Variants in KCNT2 observed in about 807,000 individuals in gnomAD.
KCNT2 encodes the protein potassium sodium-activated channel subfamily T member 2.
A neutral mutation model predicts 153.8 loss-of-function variants in KCNT2; 67 were observed. That is an observed-to-expected ratio of 0.44 (90% CI 0.36 to 0.53). The LOEUF (loss-of-function observed/expected upper bound fraction) is 0.53, where lower values mean the gene tolerates loss of function less well. Ranked by LOEUF, KCNT2 falls within the 20% of genes least tolerant of loss-of-function variation. The probability of loss-of-function intolerance (pLI) is 0.00; values close to 1 mark genes in which losing one functional copy is unlikely to be tolerated. For missense variants in KCNT2, 975 were observed against 1,354.8 expected (o/e 0.72, Z 4.40); for synonymous variants, 500 against 458.8 (o/e 1.09, Z -1.15).
chr1:196,277,845 C>T (rs1452531188), intron 25 of KCNT2, among the ~76,000 whole-genome samples: 1 of 151,758 alleles, frequency 6.6e-6, no homozygotes, highest in Admixed American at 6.6e-5. Flanking sequence ...TTTATATAAT[C>T]TTAAAAAAAT....
At chr1:196,266,537 A>C (rs1657558297) in intron 25 of KCNT2, among the ~76,000 whole-genome samples, 1 of 152,146 alleles carries the variant, frequency 6.6e-6, no homozygotes, top group Non-Finnish European at 1.5e-5. Flanking sequence ...ATCAAATCAA[A>C]TCTTTGACAT....
intron 9 of KCNT2, among the ~76,000 whole-genome samples, chr1:196,429,328 T>A (rs938826086): frequency 1.3e-5 from 2 of 151,898 alleles, no homozygotes; most frequent in African/African-American, 2.4e-5. Context: ...CTAAAAAAAA[T>A]CTTGAATGAT....
chr1:196,525,619 T>G (rs922091367), intron 1 of KCNT2, among the ~76,000 whole-genome samples: 1 of 152,174 alleles, frequency 6.6e-6, no homozygotes, highest in Non-Finnish European at 1.5e-5. Context: ...AATGAGGCTA[T>G]AGAAAAGATG....
intron 14 of KCNT2, among the ~76,000 whole-genome samples, chr1:196,360,711 G>A (rs73067617): frequency 2.0e-5 from 3 of 152,004 alleles, no homozygotes; most frequent in Non-Finnish European, 4.4e-5. Flanking sequence ...AGGACACAGC[G>A]AGAATACAGC....
chr1:196,550,033 C>T (rs781384815), intron 1 of KCNT2, among the ~76,000 whole-genome samples: 22 of 151,878 alleles, frequency 1.4e-4, no homozygotes, highest in Non-Finnish European at 2.4e-4. Context: ...TTTCTCTGGC[C>T]CCATATCAGA....
At chr1:196,570,916 A>G (rs901433435) in intron 1 of KCNT2, among the ~76,000 whole-genome samples, 2 of 152,124 alleles carry the variant, frequency 1.3e-5, no homozygotes, top group East Asian at 1.9e-4. Context: ...TTCCTCTAAC[A>G]TAAGTGCCAT....
chr1:196,475,582 T>C (rs1678463954), intron 5 of KCNT2, among the ~76,000 whole-genome samples: 1 of 151,812 alleles, frequency 6.6e-6, no homozygotes, highest in Admixed American at 6.6e-5. Flanking sequence ...CACTCCAGCC[T>C]GAGCAACAGA....
intron 12 of KCNT2, among the ~76,000 whole-genome samples, chr1:196,419,956 T>C (rs935639848): frequency 1.3e-5 from 2 of 152,036 alleles, no homozygotes; most frequent in Non-Finnish European, 2.9e-5. Flanking sequence ...GCGTATTATG[T>C]CTTTCATAAT....
At chr1:196,586,820 T>C (rs1182524189) in intron 1 of KCNT2, among the ~76,000 whole-genome samples, 2 of 152,164 alleles carry the variant, frequency 1.3e-5, no homozygotes, top group East Asian at 1.9e-4. Context: ...CCCTGAGCTC[T>C]TATTTTATTG....
intron 18 of KCNT2, among the ~76,000 whole-genome samples, chr1:196,327,668 C>CTTTTT (rs773639795): frequency 7.8e-6 from 1 of 127,888 alleles, no homozygotes; most frequent in Non-Finnish European, 1.6e-5. Context: ...ATATTCTGAT[C>CTTTTT]TTTTTTTTTT....
rs775890073 is a variant in KCNT2 at position 196,423,075 on chromosome 1, C to T, written c.1160G>A (p.Arg387His). The change falls in exon 12 of 28, where the codon CGT becomes CAT. Residue 387 changes from arginine (R) to histidine (H), a missense_variant. This residue lies in a region of KCNT2 where 202 missense variants were observed against 314.9 expected (regional missense o/e 0.64). Coordinates refer to ENST00000294725, the MANE Select transcript of KCNT2 (RefSeq NM_198503.5). The stretch of plus-strand genomic sequence containing the variant: ...AGATGATGTCCTATCCACTTCACAA[C>T]GGCTACTGAGAATAAAACAGGCCTC... Reference protein sequence around the residue: ...DAEACFILSSRCEVDRTSSDH... With the variant: ...DAEACFILSSHCEVDRTSSDH... 7 of 1,604,046 alleles carry T rather than the reference C, an allele frequency of 4.4e-6. No homozygotes were observed. Among genetic ancestry groups the T allele is most frequent in the East Asian group, 2.3e-5 (1 of 44,376 alleles).
intron 12 of KCNT2, among the ~76,000 whole-genome samples, chr1:196,418,433 T>C (rs974367705): frequency 6.6e-6 from 1 of 152,070 alleles, no homozygotes; most frequent in African/African-American, 2.4e-5. Context: ...GTCATTCAAC[T>C]CCAGCCGGGG....
chr1:196,588,091 G>T (rs952618531), intron 1 of KCNT2, among the ~76,000 whole-genome samples: 25 of 152,022 alleles, frequency 1.6e-4, no homozygotes, highest in African/African-American at 6.0e-4. Context: ...CTCTTTTATT[G>T]TTAACCTGAA....
chr1:196,380,373 C>T (rs1669373465), intron 13 of KCNT2, among the ~76,000 whole-genome samples: 1 of 152,056 alleles, frequency 6.6e-6, no homozygotes, highest in Non-Finnish European at 1.5e-5. Context: ...TCAAAATTGT[C>T]TTCAAGTCCC....
At chr1:196,326,400 A>G (rs182982032) in intron 19 of KCNT2, among the ~76,000 whole-genome samples, 21 of 152,212 alleles carry the variant, frequency 1.4e-4, no homozygotes, top group African/African-American at 4.8e-4. Context: ...TTGTCAGGCT[A>G]GTTGATTAAT....
intron 8 of KCNT2, among the ~76,000 whole-genome samples, chr1:196,446,628 A>T (rs535247610): frequency 8.6e-5 from 13 of 151,498 alleles, no homozygotes; most frequent in Non-Finnish European, 1.8e-4. Context: ...AAATCTTTGA[A>T]ATTAGACATA....
chr1:196,359,889 CA>C (rs983591706), intron 14 of KCNT2, among the ~76,000 whole-genome samples: 3 of 151,678 alleles, frequency 2.0e-5, no homozygotes, highest in Non-Finnish European at 2.9e-5. Flanking sequence ...GATAAGGATA[CA>C]AAAATAAATT....
intron 8 of KCNT2, among the ~76,000 whole-genome samples, chr1:196,438,526 A>G (rs1674932926): frequency 6.6e-6 from 1 of 151,908 alleles, no homozygotes. Context: ...TAAACCCATA[A>G]TCTTTAACTA....
chr1:196,252,262 G>A (rs984275079), intron 26 of KCNT2, among the ~76,000 whole-genome samples: 1 of 151,564 alleles, frequency 6.6e-6, no homozygotes, highest in African/African-American at 2.4e-5. Context: ...CTTTTGTTCT[G>A]TAAAGAGCCA....
Sources: gnomAD v4.1 joint callset for allele counts (sites outside exome capture counted in the v4.1 genomes callset) on GRCh38, gnomAD v4.1.1 for gene constraint, gnomAD v4.1.1 regional missense constraint, MANE v1.5 for transcripts, NCBI Gene and HGNC (gene_info 2026-07-23, HGNC 2026-07-21) for gene names.